Variants in CNTNAP2 observed in about 807,000 individuals in gnomAD.
CNTNAP2 encodes contactin associated protein 2, also known as contactin-associated protein-like 2.
Under a neutral mutation model 155.2 loss-of-function variants are expected in CNTNAP2, and 98 were observed. The observed-to-expected ratio is 0.63, with a 90% CI of 0.54 to 0.75. The LOEUF (loss-of-function observed/expected upper bound fraction) is 0.75, where lower values mean the gene tolerates loss of function less well. Ranked by LOEUF, CNTNAP2 falls within the 30% of genes least tolerant of loss-of-function variation. The probability of loss-of-function intolerance (pLI) is 0.00; values close to 1 mark genes in which losing one functional copy is unlikely to be tolerated. For missense variants in CNTNAP2, 1,727 were observed against 1,688.1 expected, an observed-to-expected ratio of 1.02 and a Z score of -0.40; for synonymous variants, 651 against 631.2, an observed-to-expected ratio of 1.03 and a Z score of -0.47.
At chr7:146,902,870 C>T (rs1047510912) in intron 3 of CNTNAP2, among the ~76,000 whole-genome samples, 26 of 152,274 alleles carry the variant, frequency 1.7e-4, no homozygotes, top group African/African-American at 4.6e-4. Flanking sequence ...ATGGTTTTTC[C>T]GACGTGTGGT....
intron 3 of CNTNAP2, among the ~76,000 whole-genome samples, chr7:146,845,324 A>G (rs2129201793): frequency 6.6e-6 from 1 of 152,308 alleles, no homozygotes; most frequent in African/African-American, 2.4e-5. Context: ...AAGCCAAGAT[A>G]TGGAGTCGAA....
intron 1 of CNTNAP2, among the ~76,000 whole-genome samples, chr7:146,157,608 G>T (rs1798147157): frequency 6.6e-6 from 1 of 152,150 alleles, no homozygotes; most frequent in African/African-American, 2.4e-5. Context: ...GGCTTGGAGG[G>T]TCCCATGCCC....
At chr7:148,324,556 A>G (rs1187766306) in intron 21 of CNTNAP2, among the ~76,000 whole-genome samples, 2 of 152,124 alleles carry the variant, frequency 1.3e-5, no homozygotes, top group Non-Finnish European at 2.9e-5. Context: ...TCAACACTTT[A>G]GGAGGCCAAG....
intron 1 of CNTNAP2, among the ~76,000 whole-genome samples, chr7:146,386,413 G>A (rs1182275312): frequency 6.6e-6 from 1 of 152,154 alleles, no homozygotes; most frequent in African/African-American, 2.4e-5. Context: ...TTTTGAAACA[G>A]AGTCTAGCTC....
intron 1 of CNTNAP2, among the ~76,000 whole-genome samples, chr7:146,275,856 A>G (rs1584842305): frequency 1.3e-5 from 2 of 152,320 alleles, no homozygotes; most frequent in South Asian, 2.1e-4. Flanking sequence ...TTTTAGAGCA[A>G]TGATTCCCTC....
At position 147,957,543 on chromosome 7, in the gene CNTNAP2, C is replaced by G. The variant is rs981571779; in HGVS notation, c.2256-20319C>G. On this transcript the variant is annotated intron_variant, in intron 14 of 23. Coordinates refer to ENST00000361727, the MANE Select transcript of CNTNAP2 (RefSeq NM_014141.6). ...GGGGAGTAGGTGGCTGAAGTGCAAT[C>G]GGATGAAAAAACAGTGGGAAACGAG... Among the ~76,000 whole-genome samples, 2 of 151,922 alleles carry G rather than the reference C, an allele frequency of 1.3e-5. 1 individual carries two copies.
intron 1 of CNTNAP2, among the ~76,000 whole-genome samples, chr7:146,223,704 A>C (rs181960964): frequency 6.8e-4 from 104 of 152,324 alleles, no homozygotes; most frequent in Non-Finnish European, 1.1e-3. Flanking sequence ...CCCGCTTTTC[A>C]CTTTTATTTG....
intron 13 of CNTNAP2, among the ~76,000 whole-genome samples, chr7:147,646,406 C>T (rs1795364308): frequency 6.6e-6 from 1 of 152,120 alleles, no homozygotes; most frequent in African/African-American, 2.4e-5. Flanking sequence ...TTTTAACTGA[C>T]ATCAAAAGAT....
Position 147,008,475 on chromosome 7 carries a change from C to T in CNTNAP2, c.403-35432C>T, listed in dbSNP as rs1042614344. Among the ~76,000 whole-genome samples the T allele has an allele frequency of 4.6e-5, 7 of 151,944 alleles. No individual in the cohort carries two copies. In the South Asian group the frequency reaches 1.5e-3, roughly 32 times the overall value. Reference sequence around the variant, plus strand: ...TTAGGAAATGGAAAAAATATTTTTCCTCTATTCATATTAGGTTTATTGGTT... The same window carrying T: ...TTAGGAAATGGAAAAAATATTTTTCTTCTATTCATATTAGGTTTATTGGTT... On this transcript the variant is annotated intron_variant, in intron 3 of 23. Transcript: ENST00000361727.
chr7:147,296,200 C>A (rs1436049016), intron 8 of CNTNAP2, among the ~76,000 whole-genome samples: 5 of 152,098 alleles, frequency 3.3e-5, no homozygotes, highest in African/African-American at 1.2e-4. Context: ...AGATCCATGT[C>A]CTAAAACTGT....
chr7:146,755,275 G>A (rs1801975538), intron 1 of CNTNAP2, among the ~76,000 whole-genome samples: 1 of 152,028 alleles, frequency 6.6e-6, no homozygotes, highest in Non-Finnish European at 1.5e-5. Flanking sequence ...AGTAGAGAAT[G>A]TCTGCAATCT....
intron 18 of CNTNAP2, among the ~76,000 whole-genome samples, chr7:148,192,583 G>A (rs775349870): frequency 6.0e-5 from 9 of 149,538 alleles, no homozygotes; most frequent in South Asian, 2.1e-4. Flanking sequence ...CCGAGATCAC[G>A]CCATTGCACT....
At chr7:147,143,543 G>A (rs1004972314) in intron 8 of CNTNAP2, among the ~76,000 whole-genome samples, 1 of 151,760 alleles carries the variant, frequency 6.6e-6, no homozygotes, top group Non-Finnish European at 1.5e-5. Context: ...TCTTACTTAT[G>A]GCATGTTTCT....
chr7:148,099,929 A>T (rs1261855013), intron 15 of CNTNAP2, among the ~76,000 whole-genome samples: 1 of 136,144 alleles, frequency 7.3e-6, no homozygotes, highest in African/African-American at 2.9e-5. Flanking sequence ...CTTGAGTGCA[A>T]TGTCACAGTC....
At chr7:146,716,705 G>T (rs1167462376) in intron 1 of CNTNAP2, among the ~76,000 whole-genome samples, 1 of 152,110 alleles carries the variant, frequency 6.6e-6, no homozygotes, top group Non-Finnish European at 1.5e-5. Flanking sequence ...CTTGGAGATG[G>T]CCATTATAAT....
chr7:146,516,516 G>A (rs183573866), intron 1 of CNTNAP2, among the ~76,000 whole-genome samples: 1 of 152,124 alleles, frequency 6.6e-6, no homozygotes, highest in African/African-American at 2.4e-5. Flanking sequence ...TTTTGCGGCA[G>A]TATTGAATTT....
chr7:146,788,245 G>C (rs1194785655), intron 2 of CNTNAP2, among the ~76,000 whole-genome samples: 1 of 152,224 alleles, frequency 6.6e-6, no homozygotes, highest in East Asian at 1.9e-4. Context: ...CAGCCCCAGA[G>C]GGGGACCCCC....
At chr7:146,575,338 A>G (rs986906063) in intron 1 of CNTNAP2, among the ~76,000 whole-genome samples, 7 of 152,110 alleles carry the variant, frequency 4.6e-5, no homozygotes, top group African/African-American at 1.7e-4. Context: ...GCTGGTCTCA[A>G]ACTCTTGACC....
intron 3 of CNTNAP2, among the ~76,000 whole-genome samples, chr7:146,913,317 G>T (rs544034020): frequency 9.9e-5 from 15 of 152,278 alleles, no homozygotes; most frequent in Non-Finnish European, 2.1e-4. Flanking sequence ...TTCATTCAGA[G>T]AAGGCACTGG....
Sources: allele counts gnomAD v4.1 joint callset (sites outside exome capture counted in the v4.1 genomes callset), GRCh38; gene constraint gnomAD v4.1.1; transcripts MANE v1.5; gene names NCBI Gene and HGNC (gene_info 2026-07-23, HGNC 2026-07-21).